The following JARID2 variants were observed in gnomAD, a reference collection of about 807,000 sequenced individuals.
JARID2 encodes jumonji and AT-rich interaction domain containing 2, also known as protein Jumonji.
Under a neutral mutation model 125.6 loss-of-function variants are expected in JARID2, and 21 were observed. The observed-to-expected ratio is 0.17, with a 90% CI of 0.12 to 0.24. JARID2 has a LOEUF of 0.24. Ranked by LOEUF, JARID2 falls within the 10% of genes least tolerant of loss-of-function variation. The pLI is 1.00. For missense variants in JARID2, 1,303 were observed against 1,639.6 expected (o/e 0.79, Z 3.55); for synonymous variants, 736 against 661.6 (o/e 1.11, Z -1.73).
At chr6:15,343,551 T>G (rs760319682) in intron 1 of JARID2, among the ~76,000 whole-genome samples, 11 of 152,194 alleles carry the variant, frequency 7.2e-5, no homozygotes, top group African/African-American at 9.7e-5. Context: ...GCTATAAAAT[T>G]AGGCTATTGT....
chr6:15,323,372 A>T (rs1260033620), intron 1 of JARID2, among the ~76,000 whole-genome samples: 1 of 152,064 alleles, frequency 6.6e-6, no homozygotes. Context: ...GTGCTACAGC[A>T]CCGGGAAATC....
chr6:15,410,119 C>A, intron 2 of JARID2, 105 bp from the exon 3 acceptor site: 1 of 1,045,420 alleles, frequency 9.6e-7, no homozygotes, highest in South Asian at 2.0e-5. Context: ...CTCTTCTATC[C>A]ACATTCTTGT....
At chr6:15,427,099 C>T (rs1276830938) in intron 3 of JARID2, among the ~76,000 whole-genome samples, 1 of 152,146 alleles carries the variant, frequency 6.6e-6, no homozygotes, top group African/African-American at 2.4e-5. Flanking sequence ...GGTCTTCTTT[C>T]TTTAACAAGT....
At position 15,520,674 on chromosome 6, in the gene JARID2, A is replaced by G. The variant is rs1214925890; in HGVS notation, c.*423A>G. 5.2e-6 allele frequency: 2 copies of G among 387,326 alleles called. No homozygotes were observed. The highest frequency in any genetic ancestry group is 5.3e-6 in the Non-Finnish European group (1 of 189,030). 24.0% of individuals were successfully genotyped at this position (387,326 alleles called of 1,614,324 possible). A position where few individuals can be genotyped will look rare whatever the true frequency, so the allele number is the denominator to read the frequency against. ...CATGTGAGCAGATTTTTTAGAAGGG[A>G]TAGGAGACACACGCGCACACACACA... On this transcript the variant is annotated 3_prime_UTR_variant, in exon 18 of 18. Transcript: ENST00000341776.
At chr6:15,415,519 C>A (rs867787994) in intron 3 of JARID2, among the ~76,000 whole-genome samples, 1 of 129,538 alleles carries the variant, frequency 7.7e-6, no homozygotes, top group Non-Finnish European at 1.6e-5. Context: ...TAGGGGCTGC[C>A]GGGCAGAGGC....
At chr6:15,360,373 C>T (rs967741291) in intron 1 of JARID2, among the ~76,000 whole-genome samples, 2 of 152,094 alleles carry the variant, frequency 1.3e-5, no homozygotes, top group African/African-American at 2.4e-5. Context: ...TTTGTAGAGA[C>T]GGAGTTTCAC....
chr6:15,310,697 G>C lies in JARID2; in HGVS notation c.46-63420G>C, dbSNP rs1167075796. On this transcript the variant is annotated intron_variant, in intron 1 of 17. Coordinates refer to ENST00000341776, the MANE Select transcript of JARID2 (RefSeq NM_004973.4). ...AGTGTTCTGAGATCTTCCAGGAGAT[G>C]GGATTTCAATCTCCAGAATTCCCAT... Among the ~76,000 whole-genome samples the C allele has an allele frequency of 2.6e-5, 4 of 152,204 alleles. No individual in the cohort carries two copies. In the East Asian group the frequency reaches 7.7e-4, roughly 29 times the overall value.
intron 3 of JARID2, among the ~76,000 whole-genome samples, chr6:15,442,470 T>C (rs1368394985): frequency 6.6e-6 from 1 of 152,232 alleles, no homozygotes; most frequent in African/African-American, 2.4e-5. Flanking sequence ...TGACTCTTAC[T>C]GTCTTTATGT....
At chr6:15,470,205 A>T (rs1270075045) in intron 5 of JARID2, among the ~76,000 whole-genome samples, 1 of 150,446 alleles carries the variant, frequency 6.6e-6, no homozygotes, top group Non-Finnish European at 1.5e-5. Flanking sequence ...GGAAAGAAAG[A>T]GGAGGGAAGC....
chr6:15,254,004 A>G (rs147046554), intron 1 of JARID2, among the ~76,000 whole-genome samples: 196 of 152,304 alleles, frequency 1.3e-3, no homozygotes, highest in African/African-American at 4.3e-3. Context: ...GGAGAAGAAA[A>G]GGTTGTAAAA....
chr6:15,414,715 T>A (rs1766051909), intron 3 of JARID2, among the ~76,000 whole-genome samples: 1 of 152,112 alleles, frequency 6.6e-6, no homozygotes, highest in Non-Finnish European at 1.5e-5. Context: ...TGTTTTTAGT[T>A]CTAGATGTTG....
intron 8 of JARID2, among the ~76,000 whole-genome samples, chr6:15,503,234 A>G (rs767043963): frequency 2.6e-5 from 4 of 152,142 alleles, no homozygotes; most frequent in Non-Finnish European, 4.4e-5. Flanking sequence ...TGCTGGTGTC[A>G]TCCTCACCTC....
chr6:15,304,740 G>A (rs1357801714), intron 1 of JARID2, among the ~76,000 whole-genome samples: 1 of 152,168 alleles, frequency 6.6e-6, no homozygotes, highest in African/African-American at 2.4e-5. Flanking sequence ...GAATGCAGTA[G>A]CTCTGGCCAA....
chr6:15,322,021 G>C (rs1228528953), intron 1 of JARID2, among the ~76,000 whole-genome samples: 1 of 152,014 alleles, frequency 6.6e-6, no homozygotes, highest in Non-Finnish European at 1.5e-5. Context: ...TCAAACTCCT[G>C]ACTTCGTTGT....
chr6:15,456,838 T>A (rs912883958), intron 4 of JARID2, among the ~76,000 whole-genome samples: 2 of 152,074 alleles, frequency 1.3e-5, no homozygotes, highest in Non-Finnish European at 2.9e-5. Flanking sequence ...ACTTTAATAA[T>A]TTTATTTCCA....
chr6:15,520,680 G>GACACACGCGCAC lies in JARID2; in HGVS notation c.*436_*447dup. ...AGCAGATTTTTTAGAAGGGATAGGAGACACACGCGCACACACACACACACA... is the reference window on the plus strand; with the variant it reads ...AGCAGATTTTTTAGAAGGGATAGGAGACACACGCGCACACACACGCGCACACACACACACACA... On this transcript the variant is annotated 3_prime_UTR_variant, in exon 18 of 18. Coordinates refer to ENST00000341776, the MANE Select transcript of JARID2 (RefSeq NM_004973.4). 1 of 401,264 alleles carries GACACACGCGCAC rather than the reference G, an allele frequency of 2.5e-6. No homozygotes were observed. The highest frequency in any genetic ancestry group is 8.0e-5 in the East Asian group (1 of 12,484). The allele number at this position is 401,264 out of a possible 1,614,324, so 24.9% of individuals were successfully genotyped here. A position where few individuals can be genotyped will look rare whatever the true frequency, so the allele number is the denominator to read the frequency against.
At chr6:15,352,011 A>T (rs1012340539) in intron 1 of JARID2, among the ~76,000 whole-genome samples, 1 of 152,012 alleles carries the variant, frequency 6.6e-6, no homozygotes, top group Non-Finnish European at 1.5e-5. Flanking sequence ...TGAGGCTGTG[A>T]GGCATTTAAA....
intron 2 of JARID2, among the ~76,000 whole-genome samples, chr6:15,402,996 T>G (rs1056995926): frequency 6.6e-6 from 1 of 152,130 alleles, no homozygotes; most frequent in Non-Finnish European, 1.5e-5. Context: ...GTGTTTATAA[T>G]TCAGTCATTA....
At chr6:15,364,585 G>T (rs2127499579) in intron 1 of JARID2, among the ~76,000 whole-genome samples, 1 of 152,302 alleles carries the variant, frequency 6.6e-6, no homozygotes, top group East Asian at 1.9e-4. Flanking sequence ...GTGGATGTCT[G>T]CACTTTGAAT....
Sources: allele counts gnomAD v4.1 joint callset (sites outside exome capture counted in the v4.1 genomes callset), GRCh38; gene constraint gnomAD v4.1.1; transcripts MANE v1.5; gene names NCBI Gene and HGNC (gene_info 2026-07-23, HGNC 2026-07-21).